The following SLC16A7 variants were observed in gnomAD, a reference collection of about 807,000 sequenced individuals.
SLC16A7 encodes the protein monocarboxylate transporter 2.
Under a neutral mutation model 34.9 loss-of-function variants are expected in SLC16A7, and 33 were observed. The observed-to-expected ratio is 0.94, with a 90% CI of 0.72 to 1.26. The LOEUF (loss-of-function observed/expected upper bound fraction) is 1.26. Among genes scored for constraint, SLC16A7 ranks in the 50% most tolerant of loss-of-function variants. The probability of loss-of-function intolerance (pLI) is 0.00; values close to 1 mark genes in which losing one functional copy is unlikely to be tolerated. For synonymous variants in SLC16A7, 201 were observed against 206.6 expected (o/e 0.97, Z 0.23); for missense variants, 573 against 578.1 (o/e 0.99, Z 0.09).
At chr12:59,751,234 G>A (rs548100799) in intron 3 of SLC16A7, among the ~76,000 whole-genome samples, 1 of 152,202 alleles carries the variant, frequency 6.6e-6, no homozygotes, top group African/African-American at 2.4e-5. Context: ...TCTCACTAGG[G>A]AGTGCCAGAC....
chr12:59,754,673 G>C (rs1880068962), intron 3 of SLC16A7, among the ~76,000 whole-genome samples: 1 of 152,154 alleles, frequency 6.6e-6, no homozygotes, highest in Non-Finnish European at 1.5e-5. Flanking sequence ...AATTCTACCA[G>C]AGGTACAAGG....
chr12:59,731,058 CT>C (rs916022504), intron 3 of SLC16A7, among the ~76,000 whole-genome samples: 4 of 151,850 alleles, frequency 2.6e-5, no homozygotes, highest in African/African-American at 9.7e-5. Flanking sequence ...TGCCAAGTAT[CT>C]TTTTTTTGGT....
At chr12:59,700,441 A>G (rs1405785534) in intron 2 of SLC16A7, among the ~76,000 whole-genome samples, 1 of 150,068 alleles carries the variant, frequency 6.7e-6, no homozygotes, top group Non-Finnish European at 1.5e-5. Context: ...ATATTATTAC[A>G]TGCATATAAT....
At chr12:59,649,951 C>T (rs143064880) in intron 1 of SLC16A7, among the ~76,000 whole-genome samples, 1 of 151,606 alleles carries the variant, frequency 6.6e-6, no homozygotes, top group Non-Finnish European at 1.5e-5. Flanking sequence ...CTCCATCCCC[C>T]CTCCCCACCA....
intron 2 of SLC16A7, among the ~76,000 whole-genome samples, chr12:59,682,604 A>G (rs1870827199): frequency 6.6e-6 from 1 of 152,218 alleles, no homozygotes; most frequent in Admixed American, 6.5e-5. Flanking sequence ...AGAAATGATT[A>G]TAAATAATTC....
At chr12:59,743,328 T>C in intron 3 of SLC16A7, among the ~76,000 whole-genome samples, 1 of 152,220 alleles carries the variant, frequency 6.6e-6, no homozygotes, top group East Asian at 1.9e-4. Flanking sequence ...AAAAGTTATA[T>C]TGACAAAAGA....
At chr12:59,749,176 T>A (rs577667383) in intron 3 of SLC16A7, among the ~76,000 whole-genome samples, 1 of 152,210 alleles carries the variant, frequency 6.6e-6, no homozygotes. Flanking sequence ...AGGGACAGGC[T>A]AACTGTACTG....
chr12:59,597,313 T>A (rs1878468265), intron 1 of SLC16A7: 1 of 152,442 alleles, frequency 6.6e-6, no homozygotes, highest in Non-Finnish European at 1.5e-5. Flanking sequence ...TCTACAATTG[T>A]TTTTTGATTT....
intron 2 of SLC16A7, among the ~76,000 whole-genome samples, chr12:59,694,714 T>C (rs1007688720): frequency 3.3e-5 from 5 of 152,036 alleles, no homozygotes; most frequent in African/African-American, 1.2e-4. Context: ...AACTATACTA[T>C]TCTCTGCTTC....
At chr12:59,657,559 G>A (rs1208643033) in intron 2 of SLC16A7, among the ~76,000 whole-genome samples, 1 of 151,978 alleles carries the variant, frequency 6.6e-6, no homozygotes, top group Non-Finnish European at 1.5e-5. Flanking sequence ...TGAGAGAGGA[G>A]TCTCTTAAAT....
At chr12:59,709,679 G>A (rs758375840) in intron 3 of SLC16A7, among the ~76,000 whole-genome samples, 4 of 151,606 alleles carry the variant, frequency 2.6e-5, no homozygotes, top group Non-Finnish European at 5.9e-5. Flanking sequence ...CACTTTGACA[G>A]CCCTGTGCAA....
In SLC16A7 at chr12:59,596,502, G is replaced by A. The variant is rs1447748010; in HGVS notation, c.-130+266G>A. Among the ~76,000 whole-genome samples, 1 of 85,714 alleles carries A rather than the reference G, an allele frequency of 1.2e-5. No individual in the cohort carries two copies. The highest frequency in any genetic ancestry group is 2.3e-5 in the Non-Finnish European group (1 of 43,116). The allele number at this position is 85,714 out of a possible 152,430, so 56.2% of individuals were successfully genotyped here. ...CTGCCCGGGAACTGAGGGGGCGCGC[G>A]GGGTCCTGGGCAAGGAGCGCCTCGC... On this transcript the variant is annotated intron_variant, in intron 1 of 5. Transcript: ENST00000547379. The surrounding 1 kb of genome is among the most constrained non-coding windows in gnomAD (Gnocchi z 5.0).
chr12:59,629,778 C>T (rs909274325), intron 1 of SLC16A7, among the ~76,000 whole-genome samples: 1 of 151,730 alleles, frequency 6.6e-6, no homozygotes, highest in Non-Finnish European at 1.5e-5. Context: ...TGATATTTAG[C>T]CTGTCCTTGA....
rs748988104 is a variant in SLC16A7 at position 59,704,905 on chromosome 12, C to A, written c.104C>A (p.Ala35Glu). The change falls in exon 3 of 6, where the codon GCA (alanine) becomes GAA (glutamate). Residue 35 changes from alanine (A) to glutamate (E), a missense_variant. Ala to Glu is a moderately radical substitution (Grantham distance 107, BLOSUM62 -1). Transcript: ENST00000547379. ...TTTATCTCCATTGGATTTTCCTATG[C>A]ATTCCCCAAAGCTGTCACCGTATTC... ...AAFISIGFSY[A>E]FPKAVTVFFK... 13 of 1,613,220 alleles carry A rather than the reference C, an allele frequency of 8.1e-6. No homozygotes were observed. Among genetic ancestry groups the A allele is most frequent in the Non-Finnish European group, 1.1e-5 (13 of 1,179,246 alleles).
intron 1 of SLC16A7, among the ~76,000 whole-genome samples, chr12:59,632,655 G>A (rs1880234978): frequency 6.6e-6 from 1 of 152,020 alleles, no homozygotes; most frequent in Non-Finnish European, 1.5e-5. Context: ...ACTCCCAGTT[G>A]TGAAAGCCAC....
intron 5 of SLC16A7, among the ~76,000 whole-genome samples, chr12:59,775,738 T>A (rs890417336): frequency 5.3e-5 from 8 of 152,148 alleles, no homozygotes; most frequent in Admixed American, 1.3e-4. Context: ...TCAGGATTTT[T>A]ATCTACTTCA....
At chr12:59,612,443 C>T (rs1175938316) in intron 1 of SLC16A7, among the ~76,000 whole-genome samples, 1 of 152,118 alleles carries the variant, frequency 6.6e-6, no homozygotes, top group African/African-American at 2.4e-5. Flanking sequence ...ACCATTTTTC[C>T]CTCCTGGACC....
chr12:59,674,963 T>G (rs1870183895), intron 2 of SLC16A7, among the ~76,000 whole-genome samples: 1 of 152,174 alleles, frequency 6.6e-6, no homozygotes, highest in African/African-American at 2.4e-5. Context: ...TACAGGTGTC[T>G]CATAAAGTGG....
At chr12:59,692,239 T>C (rs1223911152) in intron 2 of SLC16A7, among the ~76,000 whole-genome samples, 1 of 151,962 alleles carries the variant, frequency 6.6e-6, no homozygotes, top group Non-Finnish European at 1.5e-5. Context: ...CTTTTTGTTA[T>C]AAGGATACAT....
Sources: allele counts gnomAD v4.1 joint callset (sites outside exome capture counted in the v4.1 genomes callset), GRCh38; gene constraint gnomAD v4.1.1; non-coding constraint Gnocchi (gnomAD v3.1); transcripts MANE v1.5; gene names NCBI Gene and HGNC (gene_info 2026-07-23, HGNC 2026-07-21).